Variants in SLC44A5 observed in about 807,000 individuals in gnomAD.
SLC44A5 encodes the protein solute carrier family 44 member 5, also known as choline transporter-like protein 5.
Under a neutral mutation model 101.8 loss-of-function variants are expected in SLC44A5, and 57 were observed. That is an observed-to-expected ratio of 0.56 (90% CI 0.45 to 0.70). SLC44A5 has a LOEUF of 0.70. Among genes scored for constraint, SLC44A5 ranks in the 30% least tolerant of loss-of-function variants. SLC44A5 has a pLI of 0.00. For missense variants in SLC44A5, 737 were observed against 853.1 expected, an observed-to-expected ratio of 0.86 and a Z score of 1.70; for synonymous variants, 281 against 290.9, an observed-to-expected ratio of 0.97 and a Z score of 0.35.
chr1:75,706,032 CG>C, the SLC44A5 span, among the ~76,000 whole-genome samples: 1 of 152,108 alleles, frequency 6.6e-6, no homozygotes, highest in African/African-American at 2.4e-5. Flanking sequence ...ACATTAATAG[CG>C]GGATCTTTTG....
chr1:75,208,826 A>G (rs1308398218), intron 23 of SLC44A5, among the ~76,000 whole-genome samples: 1 of 152,180 alleles, frequency 6.6e-6, no homozygotes, highest in Admixed American at 6.6e-5. Context: ...CCACTCTGAG[A>G]TGATGAATCT....
At chr1:75,608,860 G>C (rs1675483246) in intron 1 of SLC44A5, among the ~76,000 whole-genome samples, 1 of 151,012 alleles carries the variant, frequency 6.6e-6, no homozygotes, top group Admixed American at 6.6e-5. Flanking sequence ...ATCATCCCAT[G>C]ATTAGCAATC....
At chr1:75,700,074 G>A in the SLC44A5 span, among the ~76,000 whole-genome samples, 273 of 152,052 alleles carry the variant, frequency 1.8e-3, 1 homozygote, top group Non-Finnish European at 9.7e-4. Context: ...TTAACACCCC[G>A]CTGTCAACAT....
the SLC44A5 span, among the ~76,000 whole-genome samples, chr1:75,702,098 A>G: frequency 6.6e-6 from 1 of 152,134 alleles, no homozygotes; most frequent in Non-Finnish European, 1.5e-5. Flanking sequence ...TAATTTATAG[A>G]TTCAATGCCA....
chr1:75,711,391 T>C, the SLC44A5 span, among the ~76,000 whole-genome samples: 2 of 152,158 alleles, frequency 1.3e-5, no homozygotes, highest in African/African-American at 2.4e-5. Flanking sequence ...TACACATAGC[T>C]TGTGGGCCTC....
At chr1:75,637,560 G>C in the SLC44A5 span, among the ~76,000 whole-genome samples, 1 of 151,872 alleles carries the variant, frequency 6.6e-6, no homozygotes, top group African/African-American at 2.4e-5. Context: ...GGGTGATGAA[G>C]AGTGTTTGGA....
At chr1:75,504,329 T>C (rs1669129820) in intron 2 of SLC44A5, among the ~76,000 whole-genome samples, 1 of 152,104 alleles carries the variant, frequency 6.6e-6, no homozygotes. Context: ...GAAGGGGCAT[T>C]AAAGGGATTC....
intron 2 of SLC44A5, among the ~76,000 whole-genome samples, chr1:75,498,607 T>G (rs1015818814): frequency 6.6e-6 from 1 of 152,180 alleles, no homozygotes; most frequent in African/African-American, 2.4e-5. Context: ...ATATTTTCTA[T>G]TTAATAATAC....
In SLC44A5 at chr1:75,532,779, C is replaced by T. The variant is rs533169052; in HGVS notation, c.13+8656G>A. Among the ~76,000 whole-genome samples the T allele has an allele frequency of 2.0e-5, 3 of 152,240 alleles. No individual in the cohort carries two copies. In the East Asian group the frequency reaches 5.8e-4, roughly 29 times the overall value. ...TTGGGGCTGGGTGTGGTGGCTCATG[C>T]CTGTAATCCCAGCACTTTGGGAGGC... On this transcript the variant is annotated intron_variant, in intron 2 of 23. Transcript: ENST00000370859.
At chr1:75,559,382 C>A (rs1010036926) in intron 1 of SLC44A5, among the ~76,000 whole-genome samples, 1 of 152,006 alleles carries the variant, frequency 6.6e-6, no homozygotes, top group East Asian at 1.9e-4. Flanking sequence ...TGGAAATGCA[C>A]CATGACTGAG....
intron 22 of SLC44A5, among the ~76,000 whole-genome samples, chr1:75,212,127 A>C (rs1646870838): frequency 6.6e-6 from 1 of 152,132 alleles, no homozygotes; most frequent in African/African-American, 2.4e-5. Flanking sequence ...GTGTCTCTTC[A>C]ATCAGTTGAT....
At chr1:75,495,292 G>GA (rs1277755966) in intron 2 of SLC44A5, among the ~76,000 whole-genome samples, 4 of 151,748 alleles carry the variant, frequency 2.6e-5, no homozygotes, top group African/African-American at 9.7e-5. Context: ...TGTCTCTACT[G>GA]AAAATACAAA....
At chr1:75,689,613 G>C in the SLC44A5 span, among the ~76,000 whole-genome samples, 1 of 152,182 alleles carries the variant, frequency 6.6e-6, no homozygotes, top group Non-Finnish European at 1.5e-5. Context: ...AGAGGGGTTT[G>C]CACAGAAATA....
chr1:75,503,967 G>C (rs1305857230), intron 2 of SLC44A5, among the ~76,000 whole-genome samples: 2 of 151,948 alleles, frequency 1.3e-5, no homozygotes, highest in Non-Finnish European at 2.9e-5. Context: ...ACATTTTGCT[G>C]CTTAGTTATG....
chr1:75,521,237 T>C (rs775862669), intron 2 of SLC44A5, among the ~76,000 whole-genome samples: 1 of 152,228 alleles, frequency 6.6e-6, no homozygotes, highest in African/African-American at 2.4e-5. Flanking sequence ...TTTTAAATAC[T>C]ATTCACAGAT....
In SLC44A5 at chr1:75,518,536, A is replaced by G. The variant is rs77190478; in HGVS notation, c.13+22899T>C. On this transcript the variant is annotated intron_variant, in intron 2 of 23. Coordinates refer to ENST00000370859, the MANE Select transcript of SLC44A5 (RefSeq NM_001130058.2). The stretch of plus-strand genomic sequence containing the variant: ...AGTTGATCCATACTGAGTACTCAAT[A>G]GATGTTGCTAAGCAAATTAATGAGA... 5.6e-3 allele frequency among the ~76,000 whole-genome samples: 859 copies of G among 152,270 alleles called. 3 individuals are homozygous for G. The highest frequency in any genetic ancestry group is 0.02 in the African/African-American group (823 of 41,542).
chr1:75,520,320 C>T (rs558238607), intron 2 of SLC44A5, among the ~76,000 whole-genome samples: 1 of 152,268 alleles, frequency 6.6e-6, no homozygotes, highest in South Asian at 2.1e-4. Context: ...ATAGTTAAAC[C>T]ATGTCTCTAA....
At chr1:75,603,049 G>A (rs1675074649) in intron 1 of SLC44A5, among the ~76,000 whole-genome samples, 1 of 152,036 alleles carries the variant, frequency 6.6e-6, no homozygotes, top group South Asian at 2.1e-4. Context: ...ATTGTGTAAT[G>A]ATAAGGTTTG....
At chr1:75,303,262 G>C (rs576768570) in intron 4 of SLC44A5, among the ~76,000 whole-genome samples, 1 of 152,238 alleles carries the variant, frequency 6.6e-6, no homozygotes, top group African/African-American at 2.4e-5. Flanking sequence ...TTGAGCCGGA[G>C]TCTTGCTCTG....
Sources: gnomAD v4.1 joint callset for allele counts (sites outside exome capture counted in the v4.1 genomes callset) on GRCh38, gnomAD v4.1.1 for gene constraint, MANE v1.5 for transcripts, NCBI Gene and HGNC (gene_info 2026-07-23, HGNC 2026-07-21) for gene names.